Variants in APAF1 observed in about 807,000 individuals in gnomAD.
APAF1 encodes the protein apoptotic peptidase activating factor 1, also known as apoptotic protease-activating factor 1.
APAF1 carries 91 observed loss-of-function variants against 152.4 expected under a neutral mutation model. The observed-to-expected ratio is 0.60, with a 90% CI of 0.50 to 0.71. APAF1 has a LOEUF of 0.71. APAF1 is among the 30% of genes least tolerant of loss of function. APAF1 has a pLI of 0.00. For missense variants in APAF1, 1,283 were observed against 1,472.0 expected, an observed-to-expected ratio of 0.87 and a Z score of 2.10; for synonymous variants, 484 against 494.1, an observed-to-expected ratio of 0.98 and a Z score of 0.27.
In APAF1 at chr12:98,649,509, T is replaced by A. The variant is rs2097646300; in HGVS notation, c.351T>A (p.Gly117=). The A allele has an allele frequency of 6.2e-7, 1 of 1,614,072 alleles. No homozygotes were observed. The highest frequency in any genetic ancestry group is 8.5e-7 in the Non-Finnish European group (1 of 1,180,016). Residue 117 remains glycine, a synonymous_variant, in exon 4 of 27, where the codon GGT becomes GGA. Transcript: ENST00000551964. ...TSYVRTVLCE[G]GVPQRPVVFV... ...TAGTAAGGACAGTCCTGTGTGAAGG[T>A]GGAGTACCACAGAGGCCAGTTGTTT... is the stretch of plus-strand genomic sequence containing the variant.
chr12:98,703,252 G>A, intron 17 of APAF1, 119 bp from the exon 18 acceptor site: 1 of 1,066,888 alleles, frequency 9.4e-7, no homozygotes, highest in South Asian at 1.3e-5. Context: ...CAATAATTAT[G>A]CCAGTTATCA....
At chr12:98,667,113 T>G (rs1007518991) in intron 9 of APAF1, among the ~76,000 whole-genome samples, 1 of 142,958 alleles carries the variant, frequency 7.0e-6, no homozygotes, top group African/African-American at 2.6e-5. Flanking sequence ...TATATATGTA[T>G]TTTTTTTTTT....
At chr12:98,685,151 TTTC>T (rs2097696655) in intron 15 of APAF1, among the ~76,000 whole-genome samples, 1 of 152,236 alleles carries the variant, frequency 6.6e-6, no homozygotes, top group Admixed American at 6.5e-5. Context: ...CAATAATTGA[TTTC>T]TTCTTCTGGG....
At chr12:98,649,429 A>G (rs2278361) in intron 3 of APAF1, 58 bp from the exon 4 acceptor site, 312,551 of 1,563,344 alleles carry the variant, frequency 0.2, 32,518 homozygotes, top group Admixed American at 0.23. Flanking sequence ...TTATGGTATT[A>G]CTTCAGTAAT....
At chr12:98,717,737 G>A (rs190106277) in intron 22 of APAF1, among the ~76,000 whole-genome samples, 1 of 151,910 alleles carries the variant, frequency 6.6e-6, no homozygotes, top group East Asian at 1.9e-4. Flanking sequence ...TTCCCTCCAA[G>A]TTGCTTTTTT....
At chr12:98,669,395 C>T (rs142044358) in intron 10 of APAF1, among the ~76,000 whole-genome samples, 5 of 151,974 alleles carry the variant, frequency 3.3e-5, no homozygotes, top group African/African-American at 4.8e-5. Context: ...CAGAAAAAAA[C>T]GATGAAAAGG....
At chr12:98,667,079 T>C (rs1002873673) in intron 9 of APAF1, among the ~76,000 whole-genome samples, 1 of 151,702 alleles carries the variant, frequency 6.6e-6, no homozygotes, top group South Asian at 2.1e-4. Context: ...AAAGTCATTA[T>C]TTTGTGGGGA....
chr12:98,731,335 C>G (rs1421426498), intron 26 of APAF1, among the ~76,000 whole-genome samples: 1 of 152,138 alleles, frequency 6.6e-6, no homozygotes, highest in Non-Finnish European at 1.5e-5. Flanking sequence ...CACCCACAGT[C>G]CGTAATTAGG....
intron 21 of APAF1, among the ~76,000 whole-genome samples, chr12:98,713,334 A>G (rs768991777): frequency 1.3e-5 from 2 of 152,154 alleles, no homozygotes; most frequent in Non-Finnish European, 2.9e-5. Context: ...TTCGCTAACT[A>G]TGCAAAGAGC....
intron 22 of APAF1, among the ~76,000 whole-genome samples, chr12:98,719,262 C>T (rs2097738821): frequency 1.3e-5 from 2 of 152,040 alleles, no homozygotes; most frequent in Admixed American, 1.3e-4. Flanking sequence ...TTAGCCCCAC[C>T]CTCATTTCCT....
intron 17 of APAF1, among the ~76,000 whole-genome samples, chr12:98,701,982 A>C (rs2097715902): frequency 6.6e-6 from 1 of 152,208 alleles, no homozygotes; most frequent in African/African-American, 2.4e-5. Context: ...AGCATTTTAA[A>C]TCTGATTTCC....
chr12:98,679,483 G>C (rs181831449), intron 13 of APAF1, among the ~76,000 whole-genome samples: 24 of 152,330 alleles, frequency 1.6e-4, no homozygotes, highest in Middle Eastern at 6.8e-3. Flanking sequence ...ATTCTTCCTG[G>C]TTGTAGGACA....
rs140491790 is a variant in APAF1 at position 98,687,850 on chromosome 12, C to T, written c.2304+977C>T. Among the ~76,000 whole-genome samples the T allele has an allele frequency of 1.7e-3, 258 of 152,192 alleles. 2 individuals carry two copies. Among genetic ancestry groups the T allele is most frequent in the Admixed American group, 6.7e-3 (103 of 15,282 alleles). On this transcript the variant is annotated intron_variant, in intron 16 of 26. Transcript: ENST00000551964. ...TGTTTTTGAGACAGTCTCACTCTGT[C>T]GCCCAGGCTGGAGTACAATGGTGTG... is the stretch of plus-strand genomic sequence containing the variant.
intron 4 of APAF1, among the ~76,000 whole-genome samples, chr12:98,651,666 G>A (rs754952556): frequency 3.7e-5 from 4 of 109,024 alleles, no homozygotes; most frequent in African/African-American, 9.8e-5. Context: ...ATTTATTTTT[G>A]TTTTTTTTTA....
chr12:98,708,566 T>A lies in APAF1; in HGVS notation c.2722-19T>A. 6.2e-7 allele frequency: 1 copy of A among 1,610,732 alleles called. No homozygotes were observed. The highest frequency in any genetic ancestry group is 8.5e-7 in the Non-Finnish European group (1 of 1,178,120). On this transcript the variant is annotated intron_variant, in intron 19 of 26. Transcript: ENST00000551964. ...GTTATTTTAGAGATGGAATGATAAT[T>A]TCTTTATCTCTTAATCAGCTCTGGG...
Position 98,680,403 on chromosome 12 carries a change from G to A in APAF1, c.2046+1G>A. Reference sequence around the variant, plus strand: ...CTGCTCAGTGGATAAAAAAGTGAAGGTAGGAAAATCTTTTCCTCTTGAGTT... The same window carrying A: ...CTGCTCAGTGGATAAAAAAGTGAAGATAGGAAAATCTTTTCCTCTTGAGTT... On this transcript the variant is annotated splice_donor_variant, in intron 14 of 26. Transcript: ENST00000551964. LOFTEE classifies it high-confidence loss of function. 4 of 1,612,724 alleles carry A rather than the reference G, an allele frequency of 2.5e-6. No individual in the cohort carries two copies. The highest frequency in any genetic ancestry group is 3.4e-6 in the Non-Finnish European group (4 of 1,179,884).
chr12:98,691,783 C>T (rs1034260967), intron 16 of APAF1, among the ~76,000 whole-genome samples: 1 of 152,018 alleles, frequency 6.6e-6, no homozygotes, highest in African/African-American at 2.4e-5. Context: ...TCTTTCTCCT[C>T]TTAGCTCTCT....
At chr12:98,690,960 G>A (rs905963733) in intron 16 of APAF1, among the ~76,000 whole-genome samples, 6 of 152,066 alleles carry the variant, frequency 3.9e-5, no homozygotes, top group Non-Finnish European at 7.4e-5. Flanking sequence ...TGTAATCCCA[G>A]CACTTTGGGA....
chr12:98,662,605 T>C, intron 6 of APAF1, 37 bp downstream of exon 6: 3 of 1,599,578 alleles, frequency 1.9e-6, no homozygotes, highest in Non-Finnish European at 2.6e-6. Context: ...TACCTTTATA[T>C]TTAATTTAAT....
Sources: gnomAD v4.1 joint callset for allele counts (sites outside exome capture counted in the v4.1 genomes callset) on GRCh38, gnomAD v4.1.1 for gene constraint, MANE v1.5 for transcripts, NCBI Gene and HGNC (gene_info 2026-07-23, HGNC 2026-07-21) for gene names.